Variants in DOCK4 observed in about 807,000 individuals in gnomAD.
DOCK4 encodes the protein dedicator of cytokinesis protein 4.
DOCK4 carries 97 observed loss-of-function variants against 268.1 expected under a neutral mutation model. That is an observed-to-expected ratio of 0.36 (90% CI 0.31 to 0.43). The LOEUF (loss-of-function observed/expected upper bound fraction) is 0.43. Ranked by LOEUF, DOCK4 falls within the 20% of genes least tolerant of loss-of-function variation. The pLI, the probability that DOCK4 is intolerant of heterozygous loss-of-function variation, is 1.00. For synonymous variants in DOCK4, 954 were observed against 887.2 expected, an observed-to-expected ratio of 1.08 and a Z score of -1.34; for missense variants, 2,145 against 2,455.7, an observed-to-expected ratio of 0.87 and a Z score of 2.67.
chr7:111,996,541 A>G (rs953069821), intron 4 of DOCK4, among the ~76,000 whole-genome samples: 55 of 152,292 alleles, frequency 3.6e-4, no homozygotes, highest in Non-Finnish European at 7.4e-4. Context: ...ACATGCTCTC[A>G]AATGTTTTCA....
intron 42 of DOCK4, 71 bp downstream of exon 42, chr7:111,755,444 T>C (rs1479661701): frequency 2.7e-5 from 39 of 1,446,688 alleles, no homozygotes; most frequent in Middle Eastern, 1.7e-4. Flanking sequence ...GGAGAAGTAA[T>C]GAATATACGG....
At chr7:112,096,662 C>T (rs559027662) in intron 1 of DOCK4, among the ~76,000 whole-genome samples, 163 of 152,282 alleles carry the variant, frequency 1.1e-3, no homozygotes, top group Non-Finnish European at 1.1e-3. Context: ...AATCTAACGC[C>T]TTTGAATTCT....
At chr7:112,074,631 T>C (rs1485152949) in intron 1 of DOCK4, among the ~76,000 whole-genome samples, 1 of 152,208 alleles carries the variant, frequency 6.6e-6, no homozygotes, top group Non-Finnish European at 1.5e-5. Context: ...TGTCTGTCTG[T>C]GGTTCCTGTG....
chr7:111,895,038 T>C (rs1022875361), intron 16 of DOCK4, among the ~76,000 whole-genome samples: 1 of 152,158 alleles, frequency 6.6e-6, no homozygotes, highest in African/African-American at 2.4e-5. Context: ...TTTTTTACCC[T>C]ATAGTTCATT....
rs1011777940 is a variant in DOCK4, at chr7:111,726,529, TTC to T, written c.*1743_*1744del. On this transcript the variant is annotated 3_prime_UTR_variant, in exon 53 of 53. Coordinates refer to ENST00000428084, the MANE Select transcript of DOCK4 (RefSeq NM_001363540.2). ...AAAAGCAAAAGCTAGTTCAAAAAAT[TTC>T]TGACTGCAAAACTTGCAAGATACAA... is the stretch of plus-strand genomic sequence containing the variant. 2 of 152,528 alleles carry T rather than the reference TTC, an allele frequency of 1.3e-5. No homozygotes were observed. Among genetic ancestry groups the T allele is most frequent in the South Asian group, 2.1e-4 (1 of 4,832 alleles). The allele number at this position is 152,528 out of a possible 1,614,324, so 9.4% of individuals were successfully genotyped here.
chr7:111,971,718 G>T, intron 8 of DOCK4: 1 of 312,568 alleles, frequency 3.2e-6, no homozygotes, highest in South Asian at 4.9e-5. Flanking sequence ...TTGTGGGCCA[G>T]CTTATGCAGC....
At chr7:112,148,226 T>A (rs559855569) in intron 1 of DOCK4, among the ~76,000 whole-genome samples, 1 of 152,052 alleles carries the variant, frequency 6.6e-6, no homozygotes, top group Non-Finnish European at 1.5e-5. Flanking sequence ...AAGATTATAA[T>A]AGGGATTCCA....
In DOCK4 at chr7:112,173,787, G is replaced by A. The variant is rs546468005; in HGVS notation, c.37+32315C>T. The stretch of plus-strand genomic sequence containing the variant: ...CAAACATTTTCATTGGCAATTCCAC[G>A]TGGAAAATAGCCAGCAAGAAAGGCT... On this transcript the variant is annotated intron_variant, in intron 1 of 52. Transcript: ENST00000428084. Among the ~76,000 whole-genome samples the A allele has an allele frequency of 3.9e-5, 6 of 152,226 alleles. No homozygotes were observed. In the South Asian group the frequency reaches 6.2e-4, roughly 16 times the overall value.
chr7:112,099,470 A>C (rs949672854), intron 1 of DOCK4, among the ~76,000 whole-genome samples: 8 of 152,154 alleles, frequency 5.3e-5, no homozygotes, highest in Admixed American at 6.5e-5. Flanking sequence ...GCTGATAATT[A>C]TGTATTTACT....
At chr7:111,729,513 A>T (rs1383422337) in intron 52 of DOCK4, among the ~76,000 whole-genome samples, 1 of 152,170 alleles carries the variant, frequency 6.6e-6, no homozygotes, top group African/African-American at 2.4e-5. Context: ...CCACCAGTGC[A>T]CTCCAGCCTG....
At chr7:111,930,860 C>G (rs564716148) in intron 12 of DOCK4, among the ~76,000 whole-genome samples, 2 of 152,286 alleles carry the variant, frequency 1.3e-5, no homozygotes, top group Non-Finnish European at 2.9e-5. Flanking sequence ...CAATGATCTA[C>G]GTAGACTGAA....
At chr7:111,733,122 T>C (rs923977540) in intron 51 of DOCK4, among the ~76,000 whole-genome samples, 4 of 152,166 alleles carry the variant, frequency 2.6e-5, no homozygotes, top group Non-Finnish European at 4.4e-5. Flanking sequence ...TTCGGTGAAC[T>C]CTGGGTATGT....
chr7:112,114,853 A>G (rs2115770208), intron 1 of DOCK4, among the ~76,000 whole-genome samples: 1 of 152,314 alleles, frequency 6.6e-6, no homozygotes, highest in East Asian at 1.9e-4. Context: ...CACCATTGAC[A>G]CAAACATCAA....
chr7:112,091,575 G>T (rs1809632288), intron 1 of DOCK4, among the ~76,000 whole-genome samples: 1 of 152,164 alleles, frequency 6.6e-6, no homozygotes, highest in Non-Finnish European at 1.5e-5. Flanking sequence ...TCACATTGAT[G>T]AATGGTTATA....
chr7:111,907,865 A>G (rs1791722418), intron 13 of DOCK4, among the ~76,000 whole-genome samples: 2 of 151,974 alleles, frequency 1.3e-5, no homozygotes, highest in Non-Finnish European at 2.9e-5. Flanking sequence ...AGTAGCTGGG[A>G]CTGCAGGCGC....
intron 27 of DOCK4, among the ~76,000 whole-genome samples, chr7:111,813,636 A>G (rs1438965626): frequency 6.6e-6 from 1 of 152,166 alleles, no homozygotes; most frequent in African/African-American, 2.4e-5. Context: ...ATAAAAACCT[A>G]TGAGATCGAG....
chr7:111,733,056 C>T (rs1444367395), intron 51 of DOCK4, among the ~76,000 whole-genome samples: 17 of 152,206 alleles, frequency 1.1e-4, no homozygotes, highest in Admixed American at 6.5e-4. Flanking sequence ...TAAAGGCTGG[C>T]GTGACACAGT....
At chr7:112,163,848 C>T (rs1283251819) in intron 1 of DOCK4, among the ~76,000 whole-genome samples, 8 of 152,156 alleles carry the variant, frequency 5.3e-5, no homozygotes, top group Admixed American at 5.2e-4. Context: ...TCAGTTAGAA[C>T]TGCAAGGGGC....
chr7:112,178,144 T>C (rs919710813), intron 1 of DOCK4, among the ~76,000 whole-genome samples: 2 of 152,264 alleles, frequency 1.3e-5, no homozygotes, highest in Non-Finnish European at 2.9e-5. Flanking sequence ...CTCATTTTCC[T>C]TCATCACAGT....
Sources: gnomAD v4.1 joint callset for allele counts (sites outside exome capture counted in the v4.1 genomes callset) on GRCh38, gnomAD v4.1.1 for gene constraint, MANE v1.5 for transcripts, NCBI Gene and HGNC (gene_info 2026-07-23, HGNC 2026-07-21) for gene names.